CACNA1B: variants seen among roughly 807,000 people sequenced by gnomAD.
The protein encoded by CACNA1B is calcium voltage-gated channel subunit alpha1 B, also known as voltage-dependent N-type calcium channel subunit alpha-1B.
A neutral mutation model predicts 247.2 loss-of-function variants in CACNA1B; 70 were observed. The observed-to-expected ratio is 0.28, with a 90% CI of 0.23 to 0.35. The LOEUF is 0.35. Among genes scored for constraint, CACNA1B ranks in the 10% least tolerant of loss-of-function variants. The probability of loss-of-function intolerance (pLI) is 1.00; values close to 1 mark genes in which losing one functional copy is unlikely to be tolerated. For synonymous variants in CACNA1B, 1,231 were observed against 1,294.4 expected, an observed-to-expected ratio of 0.95 and a Z score of 1.05; for missense variants, 2,367 against 3,197.4, an observed-to-expected ratio of 0.74 and a Z score of 6.26.
rs145700928 is a variant in CACNA1B, at chr9:137,971,679, C to T, written c.1543+87C>T. On this transcript the variant is annotated intron_variant, in intron 11 of 46. Coordinates refer to ENST00000371372, the MANE Select transcript of CACNA1B (RefSeq NM_000718.4). This position sits in a 1 kb window ranked among gnomAD's most constrained non-coding sequence, Gnocchi z 4.4. ...CCTGGTCCATGCCCTGGGGCTACCC[C>T]AGGTGGGACGGGACCCACCCCCATG... 1.1e-4 allele frequency: 124 copies of T among 1,179,756 alleles called. No homozygotes were observed. The African/African-American group carries it at 1.5e-3, about 15-fold the overall frequency. The allele number at this position is 1,179,756 out of a possible 1,614,324, so 73.1% of individuals were successfully genotyped here.
At position 138,104,709 on chromosome 9, in the gene CACNA1B, G is replaced by A. The variant is rs572258635; in HGVS notation, c.5320-990G>A. ...GAGGCTGCCCTGCCACAGGTTGCAG[G>A]CTTGGGCAAGGACAGGCAGACCCTG... On this transcript the variant is annotated intron_variant, in intron 38 of 46. Coordinates refer to ENST00000371372, the MANE Select transcript of CACNA1B (RefSeq NM_000718.4). 2.0e-5 allele frequency among the ~76,000 whole-genome samples: 3 copies of A among 152,290 alleles called. No homozygotes were observed. The East Asian group carries it at 5.8e-4, about 29-fold the overall frequency.
In CACNA1B at chr9:137,971,437, A is replaced by G; in HGVS notation, c.1388A>G (p.Tyr463Cys). Reference protein sequence around the residue: ...LKSGKTESSSYFRRKEKMFRF... With the variant: ...LKSGKTESSSCFRRKEKMFRF... ...AGCGGGAAGACAGAGAGCTCGTCAT[A>G]CTTCCGGAGGAAGGAGAAGATGTTC... The change falls in exon 11 of 47, where the codon TAC (tyrosine) becomes TGC (cysteine). Residue 463 changes from tyrosine (Y) to cysteine (C), a missense_variant. Tyr to Cys is a radical substitution (Grantham distance 194). Coordinates refer to ENST00000371372, the MANE Select transcript of CACNA1B (RefSeq NM_000718.4). The surrounding 1 kb of genome is among the most constrained non-coding windows in gnomAD (Gnocchi z 4.4). 1.9e-6 allele frequency: 3 copies of G among 1,613,600 alleles called. No individual in the cohort carries two copies. Among genetic ancestry groups the G allele is most frequent in the Non-Finnish European group, 2.5e-6 (3 of 1,179,728 alleles).
intron 10 of CACNA1B, among the ~76,000 whole-genome samples, chr9:137,963,822 C>A (rs1275034554): frequency 1.3e-5 from 2 of 152,144 alleles, no homozygotes; most frequent in Non-Finnish European, 2.9e-5. Flanking sequence ...GTTTTTGCAG[C>A]GGCTAGTAAT....
At chr9:137,920,327 G>T (rs569307345) in intron 6 of CACNA1B, among the ~76,000 whole-genome samples, 1 of 152,142 alleles carries the variant, frequency 6.6e-6, no homozygotes, top group African/African-American at 2.4e-5. Context: ...CTCCTAAGTA[G>T]CTGGGATTAC....
At position 138,023,115 on chromosome 9, in the gene CACNA1B, T is replaced by C. The variant is rs1401005189; in HGVS notation, c.2372T>C (p.Met791Thr). ...AGCTGCGAGGCGCTGTACAGCGAGA[T>C]GGACCCCGAGGAGCGGCTGCGCTTC... is the stretch of plus-strand genomic sequence containing the variant. ...RASCEALYSE[M>T]DPEERLRFAT... Residue 791 changes from methionine to threonine, a missense_variant, in exon 19 of 47, where the codon ATG becomes ACG. By Grantham distance (81) the Met-to-Thr change is moderately conservative. This residue lies in a region of CACNA1B where 631 missense variants were observed against 631.1 expected (regional missense o/e 1.00). Coordinates refer to ENST00000371372, the MANE Select transcript of CACNA1B (RefSeq NM_000718.4). 6.5e-7 allele frequency: 1 copy of C among 1,536,392 alleles called. No individual in the cohort carries two copies. The highest frequency in any genetic ancestry group is 2.5e-5 in the East Asian group (1 of 40,268).
At chr9:138,047,535 G>A in intron 23 of CACNA1B, 77 bp downstream of exon 23, 1 of 995,350 alleles carries the variant, frequency 1.0e-6, no homozygotes, top group South Asian at 1.3e-5. Context: ...CCAGGGCAGT[G>A]GTTGAACCAC....
At chr9:137,878,708 G>C (rs1047825976) in intron 1 of CACNA1B, among the ~76,000 whole-genome samples, 17 of 152,126 alleles carry the variant, frequency 1.1e-4, no homozygotes, top group Non-Finnish European at 1.8e-4. Context: ...GCGCCTGCGC[G>C]GGGTCTCCCT....
Position 137,986,926 on chromosome 9 carries a change from C to G in CACNA1B, c.1974+72C>G. ...CCCCTGGGTGCTGGGAAGGCGGACT[C>G]TCCTGTCATTCCCTCCCTTGTTCCT... On this transcript the variant is annotated intron_variant, in intron 15 of 46. Transcript: ENST00000371372. This position sits in a 1 kb window ranked among gnomAD's most constrained non-coding sequence, Gnocchi z 6.0. The G allele has an allele frequency of 9.2e-7, 1 of 1,087,652 alleles. No homozygotes were observed. The allele number at this position is 1,087,652 out of a possible 1,614,324, so 67.4% of individuals were successfully genotyped here.
intron 6 of CACNA1B, among the ~76,000 whole-genome samples, chr9:137,918,211 G>GT (rs1554926109): frequency 3.0e-5 from 4 of 133,322 alleles, no homozygotes; most frequent in Middle Eastern, 3.8e-3. Context: ...TATAAGGCTT[G>GT]GGGGGGGTGC....
chr9:138,040,341 A>G (rs1019613586), intron 20 of CACNA1B, among the ~76,000 whole-genome samples: 2 of 151,786 alleles, frequency 1.3e-5, no homozygotes, highest in African/African-American at 4.8e-5. Flanking sequence ...AGTAATGGTG[A>G]CCTTGTTTCA....
Position 137,878,910 on chromosome 9 carries a change from T to G in CACNA1B, c.285-144T>G, listed in dbSNP as rs11137291. 567,667 of 576,850 alleles carry G rather than the reference T, an allele frequency of 0.98. 279,412 individuals are homozygous for G. Among genetic ancestry groups the G allele is most frequent in the East Asian group, 1 (32,857 of 32,874 alleles). 35.7% of individuals were successfully genotyped at this position (576,850 alleles called of 1,614,324 possible). A position where few individuals can be genotyped will look rare whatever the true frequency, so the allele number is the denominator to read the frequency against. On this transcript the variant is annotated intron_variant, in intron 1 of 46. Transcript: ENST00000371372. ...CAGGGAGTGAGGGAGACCAGGCCGCTTCCGCCAGGAGAGGGGCTCCGGACC... is the reference window on the plus strand; with the variant it reads ...CAGGGAGTGAGGGAGACCAGGCCGCGTCCGCCAGGAGAGGGGCTCCGGACC...
chr9:137,963,456 G>A (rs1958041928), intron 10 of CACNA1B, among the ~76,000 whole-genome samples: 2 of 152,116 alleles, frequency 1.3e-5, no homozygotes, highest in African/African-American at 4.8e-5. Flanking sequence ...GTGCAGTGGC[G>A]TGATCTCAGC....
intron 37 of CACNA1B, among the ~76,000 whole-genome samples, chr9:138,099,983 C>G (rs138228260): frequency 3.0e-3 from 456 of 152,378 alleles, no homozygotes; most frequent in Non-Finnish European, 4.6e-3. Flanking sequence ...GTGAAACAGG[C>G]ACATGCTGTC....
chr9:138,124,254 G>C lies in CACNA1B; in HGVS notation c.*2255G>C, dbSNP rs1477689979. ...ACCAGTCAAGCAGTGGCTGTAGTTT[G>C]AACAAGTTATGTGTGCATGTAACAT... On this transcript the variant is annotated 3_prime_UTR_variant, in exon 47 of 47. Coordinates refer to ENST00000371372, the MANE Select transcript of CACNA1B (RefSeq NM_000718.4). The C allele has an allele frequency of 6.6e-6, 1 of 152,106 alleles. No homozygotes were observed. Among genetic ancestry groups the C allele is most frequent in the African/African-American group, 2.4e-5 (1 of 41,424 alleles). 9.4% of individuals were successfully genotyped at this position (152,106 alleles called of 1,614,324 possible). A position where few individuals can be genotyped will look rare whatever the true frequency, so the allele number is the denominator to read the frequency against.
chr9:137,919,758 G>A lies in CACNA1B; in HGVS notation c.966+2327G>A, dbSNP rs1298102207. The stretch of plus-strand genomic sequence containing the variant: ...AGTCCGTGTTGGGAGCAGGAGTGGG[G>A]GTGTGAGCAACAGCGGGCAGCCAGG... On this transcript the variant is annotated intron_variant, in intron 6 of 46. Coordinates refer to ENST00000371372, the MANE Select transcript of CACNA1B (RefSeq NM_000718.4). This position sits in a 1 kb window ranked among gnomAD's most constrained non-coding sequence, Gnocchi z 4.6. 2.6e-5 allele frequency among the ~76,000 whole-genome samples: 4 copies of A among 152,214 alleles called. No homozygotes were observed. Among genetic ancestry groups the A allele is most frequent in the Admixed American group, 1.3e-4 (2 of 15,280 alleles).
At chr9:137,927,527 T>A (rs1193516709) in intron 6 of CACNA1B, among the ~76,000 whole-genome samples, 1 of 152,240 alleles carries the variant, frequency 6.6e-6, no homozygotes, top group Non-Finnish European at 1.5e-5. Context: ...GACGCTCTTG[T>A]CAAAAATCAT....
At chr9:138,101,486 C>G (rs574721154) in intron 37 of CACNA1B, among the ~76,000 whole-genome samples, 1 of 152,234 alleles carries the variant, frequency 6.6e-6, no homozygotes, top group Admixed American at 6.5e-5. Context: ...AGGAAGCAGC[C>G]GACTTGCCCG....
At chr9:137,982,100 G>T (rs1249026771) in intron 12 of CACNA1B, among the ~76,000 whole-genome samples, 3 of 152,150 alleles carry the variant, frequency 2.0e-5, no homozygotes, top group Admixed American at 1.3e-4. Flanking sequence ...CAAAAGCTTG[G>T]TGGCATAAGA....
intron 20 of CACNA1B, among the ~76,000 whole-genome samples, chr9:138,041,137 G>A (rs925611779): frequency 1.3e-5 from 2 of 152,194 alleles, no homozygotes; most frequent in African/African-American, 2.4e-5. Context: ...ATTTGCATTT[G>A]TTGTTTCCAG....
Sources: gnomAD v4.1 joint callset for allele counts (sites outside exome capture counted in the v4.1 genomes callset) on GRCh38, gnomAD v4.1.1 for gene constraint, gnomAD v4.1.1 regional missense constraint, Gnocchi (gnomAD v3.1) non-coding constraint, MANE v1.5 for transcripts, NCBI Gene and HGNC (gene_info 2026-07-23, HGNC 2026-07-21) for gene names.